Variants in WNT4 observed in about 807,000 individuals in gnomAD.
WNT4 encodes Wnt family member 4.
A neutral mutation model predicts 34.5 loss-of-function variants in WNT4; 16 were observed. The ratio of observed to expected loss-of-function variants is 0.46; its 90% CI spans 0.31 to 0.70. The LOEUF is 0.70. Ranked by LOEUF, WNT4 falls within the 30% of genes least tolerant of loss-of-function variation. The pLI is 0.04. For missense variants in WNT4, 379 were observed against 495.9 expected (o/e 0.76, Z 2.24); for synonymous variants, 200 against 211.9 (o/e 0.94, Z 0.49).
chr1:22,141,537 C>G (rs1461115874), intron 1 of WNT4, among the ~76,000 whole-genome samples: 1 of 152,184 alleles, frequency 6.6e-6, no homozygotes, highest in Admixed American at 6.5e-5. Context: ...TCTGCCACTG[C>G]TCCTGAAGTG....
At chr1:22,138,411 C>CA in intron 1 of WNT4, among the ~76,000 whole-genome samples, 1 of 152,216 alleles carries the variant, frequency 6.6e-6, no homozygotes, top group East Asian at 1.9e-4. Context: ...TGCCCGCCCC[C>CA]CAGGGGACAT....
At position 22,134,181 on chromosome 1, in the gene WNT4, C is replaced by G. The variant is rs1646004582; in HGVS notation, c.78-4330G>C. Among the ~76,000 whole-genome samples the G allele has an allele frequency of 6.6e-6, 1 of 152,178 alleles. No homozygotes were observed. The highest frequency in any genetic ancestry group is 2.4e-5 in the African/African-American group (1 of 41,440). Reference sequence around the variant, plus strand: ...CTGCCCCCTCCCTTTGGCCTCCCTGCCTGCCTGGGCCACATTTAGAGCCTC... The same window carrying G: ...CTGCCCCCTCCCTTTGGCCTCCCTGGCTGCCTGGGCCACATTTAGAGCCTC... On this transcript the variant is annotated intron_variant, in intron 1 of 4. Coordinates refer to ENST00000290167, the MANE Select transcript of WNT4 (RefSeq NM_030761.5). The surrounding 1 kb of genome is among the most constrained non-coding windows in gnomAD (Gnocchi z 4.1).
chr1:22,131,984 C>T (rs1232147905), intron 1 of WNT4, among the ~76,000 whole-genome samples: 1 of 152,188 alleles, frequency 6.6e-6, no homozygotes, highest in Admixed American at 6.5e-5. Flanking sequence ...AGGGGCCCAC[C>T]CGGCTTCTCA....
chr1:22,130,001 C>G (rs1182273227), intron 1 of WNT4, 150 bp from the exon 2 acceptor site: 2 of 895,392 alleles, frequency 2.2e-6, no homozygotes, highest in Non-Finnish European at 3.6e-6. Flanking sequence ...CAGTTACAGG[C>G]CCTCTTGCCC....
intron 1 of WNT4, among the ~76,000 whole-genome samples, chr1:22,136,430 AC>A (rs1646022334): frequency 6.6e-6 from 1 of 151,950 alleles, no homozygotes; most frequent in Admixed American, 6.6e-5. Context: ...GACAGGTGAA[AC>A]CCCAGCAGAA....
At chr1:22,121,189 G>T (rs1233572891) in intron 4 of WNT4, 22 bp downstream of exon 4, 2 of 1,613,496 alleles carry the variant, frequency 1.2e-6, no homozygotes, top group East Asian at 2.2e-5. Flanking sequence ...CCCGCTCTTG[G>T]TGGGGGGTAG....
intron 1 of WNT4, among the ~76,000 whole-genome samples, chr1:22,131,364 C>A (rs928041204): frequency 6.6e-6 from 1 of 152,172 alleles, no homozygotes; most frequent in Non-Finnish European, 1.5e-5. Context: ...GTGCCTGGGC[C>A]CCAGTCCCAG....
Position 22,121,547 on chromosome 1 carries a change from T to C in WNT4, c.343A>G (p.Ile115Val). ...GTREAAFVYA[I>V]SSAGVAFAVT... ...GCAAAGGCCACACCTGCCGAAGAGA[T>C]GGCGTACACGAAGGCCGCCTCCCGA... The change falls in exon 3 of 5, where the codon ATC (isoleucine) becomes GTC (valine). Residue 115 changes from isoleucine to valine, a missense_variant. Transcript: ENST00000290167. The C allele has an allele frequency of 6.2e-7, 1 of 1,613,824 alleles. No homozygotes were observed. The highest frequency in any genetic ancestry group is 1.3e-5 in the African/African-American group (1 of 75,042).
At chr1:22,123,168 A>C (rs747291358) in intron 2 of WNT4, among the ~76,000 whole-genome samples, 13 of 152,200 alleles carry the variant, frequency 8.5e-5, no homozygotes, top group Non-Finnish European at 1.6e-4. Flanking sequence ...GGGGAAGGGA[A>C]GTCAAAGCAG....
intron 2 of WNT4, chr1:22,127,453 A>G (rs757071293): frequency 3.8e-6 from 2 of 533,270 alleles, no homozygotes; most frequent in Admixed American, 3.9e-5. Flanking sequence ...GATGACATCC[A>G]CTGTCTCCTC....
chr1:22,127,403 C>T (rs760836772), intron 2 of WNT4: 16 of 533,444 alleles, frequency 3.0e-5, no homozygotes, highest in African/African-American at 1.2e-4. Flanking sequence ...TCCTTCCTTG[C>T]GCCTTTGAGT....
At chr1:22,128,967 G>C (rs936458787) in intron 2 of WNT4, among the ~76,000 whole-genome samples, 2 of 151,996 alleles carry the variant, frequency 1.3e-5, no homozygotes, top group Non-Finnish European at 2.9e-5. Context: ...TGATCCGCCC[G>C]CCTGGGCCTC....
rs559680899 is a variant in WNT4, at chr1:22,128,742, C to T, written c.313+874G>A. Among the ~76,000 whole-genome samples, 28 of 150,538 alleles carry T rather than the reference C, an allele frequency of 1.9e-4. No homozygotes were observed. The South Asian group carries it at 2.3e-3, about 12-fold the overall frequency. ...TTTTTTTTCTTTTTTTTTTTTGAGACGGAGTCTAGCTCTGTCTCCCAGGCT... is the reference window on the plus strand; with the variant it reads ...TTTTTTTTCTTTTTTTTTTTTGAGATGGAGTCTAGCTCTGTCTCCCAGGCT... On this transcript the variant is annotated intron_variant, in intron 2 of 4. Coordinates refer to ENST00000290167, the MANE Select transcript of WNT4 (RefSeq NM_030761.5).
intron 2 of WNT4, among the ~76,000 whole-genome samples, chr1:22,123,323 G>A (rs759860004): frequency 2.6e-4 from 39 of 152,058 alleles, no homozygotes; most frequent in Non-Finnish European, 4.9e-4. Context: ...TGGTCCCTGG[G>A]GTGCAGGGCC....
intron 1 of WNT4, among the ~76,000 whole-genome samples, chr1:22,141,389 A>G (rs1646065416): frequency 6.6e-6 from 1 of 152,086 alleles, no homozygotes; most frequent in African/African-American, 2.4e-5. Context: ...CATGCATTCA[A>G]GAACCAGCTC....
chr1:22,127,760 T>C (rs1242791415), intron 2 of WNT4, among the ~76,000 whole-genome samples: 1 of 152,182 alleles, frequency 6.6e-6, no homozygotes, highest in Non-Finnish European at 1.5e-5. Flanking sequence ...AGTTTGAAAT[T>C]ATGATTTTAA....
Position 22,142,825 on chromosome 1 carries a change from C to T in WNT4, c.77+21G>A. ...GCCTGCCCCGCCCCGCCCCGCCCCG[C>T]TCGGCCCCGGCCAGACTTACAGCCA... On this transcript the variant is annotated intron_variant, in intron 1 of 4. Coordinates refer to ENST00000290167, the MANE Select transcript of WNT4 (RefSeq NM_030761.5). This position sits in a 1 kb window ranked among gnomAD's most constrained non-coding sequence, Gnocchi z 6.0. 1.7e-6 allele frequency: 2 copies of T among 1,176,430 alleles called. No homozygotes were observed. Among genetic ancestry groups the T allele is most frequent in the African/African-American group, 3.3e-5 (2 of 60,680 alleles). 72.9% of individuals were successfully genotyped at this position (1,176,430 alleles called of 1,614,324 possible).
rs756682320 is a variant in WNT4, at chr1:22,134,203, C to T, written c.78-4352G>A. The stretch of plus-strand genomic sequence containing the variant: ...CTGCCTGCCTGGGCCACATTTAGAG[C>T]CTCCTCAGGAGCGGTCGTGCCTGCG... On this transcript the variant is annotated intron_variant, in intron 1 of 4. Transcript: ENST00000290167. This position sits in a 1 kb window ranked among gnomAD's most constrained non-coding sequence, Gnocchi z 4.1. Among the ~76,000 whole-genome samples, 102 of 152,292 alleles carry T rather than the reference C, an allele frequency of 6.7e-4. No homozygotes were observed. Among genetic ancestry groups the T allele is most frequent in the African/African-American group, 2.4e-3 (98 of 41,564 alleles).
At position 22,142,938 on chromosome 1, in the gene WNT4, G is replaced by GCCC. The variant is rs2124145959; in HGVS notation, c.-19_-17dup. The GCCC allele has an allele frequency of 9.0e-7, 1 of 1,115,892 alleles. No homozygotes were observed. The highest frequency in any genetic ancestry group is 1.7e-5 in the African/African-American group (1 of 59,540). The allele number at this position is 1,115,892 out of a possible 1,614,324, so 69.1% of individuals were successfully genotyped here. On this transcript the variant is annotated 5_prime_UTR_variant, in exon 1 of 5. Coordinates refer to ENST00000290167, the MANE Select transcript of WNT4 (RefSeq NM_030761.5). This position sits in a 1 kb window ranked among gnomAD's most constrained non-coding sequence, Gnocchi z 6.0. ...GGGGACTCATGGTGCCGCCGCGGGC[G>GCCC]CCCGGCCCGGGGCAGCGGCTGCGGC...
Sources: gnomAD v4.1 joint callset for allele counts (sites outside exome capture counted in the v4.1 genomes callset) on GRCh38, gnomAD v4.1.1 for gene constraint, Gnocchi (gnomAD v3.1) non-coding constraint, MANE v1.5 for transcripts, NCBI Gene and HGNC (gene_info 2026-07-23, HGNC 2026-07-21) for gene names.